The following SCRIB variants were observed in gnomAD, a reference collection of about 807,000 sequenced individuals.
SCRIB encodes the protein protein scribble homolog.
In SCRIB, 72 loss-of-function variants were observed where a neutral mutation model predicts 170.0. The observed-to-expected ratio is 0.42, with a 90% CI of 0.35 to 0.52. The LOEUF is 0.52. Among genes scored for constraint, SCRIB ranks in the 20% least tolerant of loss-of-function variants. SCRIB has a pLI of 0.02. For synonymous variants in SCRIB, 1,298 were observed against 1,044.3 expected, an observed-to-expected ratio of 1.24 and a Z score of -4.68; for missense variants, 2,475 against 2,338.5, an observed-to-expected ratio of 1.06 and a Z score of -1.20.
Position 143,815,650 on chromosome 8 carries a change from G to A in SCRIB, c.-278C>T. ...CGGCGGCGGCTCCGCATCCCGCTTG[G>A]TCCTGCTCAGCTCGTCCCGCCCGCT... On this transcript the variant is annotated 5_prime_UTR_variant, in exon 1 of 37. Coordinates refer to ENST00000356994, the MANE Select transcript of SCRIB (RefSeq NM_182706.5). 1.0e-6 allele frequency: 1 copy of A among 982,530 alleles called. No individual in the cohort carries two copies. Among genetic ancestry groups the A allele is most frequent in the Non-Finnish European group, 1.2e-6 (1 of 828,924 alleles). 60.9% of individuals were successfully genotyped at this position (982,530 alleles called of 1,614,324 possible). A position where few individuals can be genotyped will look rare whatever the true frequency, so the allele number is the denominator to read the frequency against.
At position 143,792,860 on chromosome 8, in the gene SCRIB, G is replaced by A. The variant is rs782059975; in HGVS notation, c.4025C>T (p.Thr1342Met). 11 of 1,519,952 alleles carry A rather than the reference G, an allele frequency of 7.2e-6. No homozygotes were observed. The highest frequency in any genetic ancestry group is 8.8e-6 in the Non-Finnish European group (10 of 1,137,844). The allele number at this position is 1,519,952 out of a possible 1,614,324, so 94.2% of individuals were successfully genotyped here. Residue 1342 changes from threonine to methionine, a missense_variant, in exon 30 of 37, where the codon ACG becomes ATG. Thr to Met is a moderately conservative substitution (Grantham distance 81). Transcript: ENST00000356994. ...CTCCGGGGAGGCTGCAGGCCCAGGC[G>A]TGGGGGGCTGGGGGGAGCGGACCTT... ...PPEDAPAQPP[T>M]PGPAASPEQL...
intron 21 of SCRIB, among the ~76,000 whole-genome samples, 158 bp from the exon 22 acceptor site, chr8:143,804,314 C>T (rs1312984553): frequency 1.3e-5 from 2 of 152,256 alleles, no homozygotes; most frequent in Admixed American, 1.3e-4. Flanking sequence ...GCTGCCCAGG[C>T]AGGCACGCAG....
At chr8:143,814,646 C>A (rs921127590) in intron 1 of SCRIB, among the ~76,000 whole-genome samples, 8 of 152,246 alleles carry the variant, frequency 5.3e-5, no homozygotes, top group African/African-American at 1.9e-4. Flanking sequence ...GGACACCCAA[C>A]CCCTAGGTAC....
chr8:143,795,650 G>A (rs917422035), intron 24 of SCRIB, 120 bp from the exon 25 acceptor site: 5 of 873,376 alleles, frequency 5.7e-6, no homozygotes, highest in African/African-American at 5.0e-5. Context: ...CGCGTCCCTG[G>A]GCAGGGCTGA....
chr8:143,793,163 C>T (rs1814784843), intron 28 of SCRIB, 80 bp from the exon 29 acceptor site: 1 of 750,378 alleles, frequency 1.3e-6, no homozygotes, highest in Non-Finnish European at 2.0e-6. Context: ...CCGGCTGTCC[C>T]CCCGCCTGTC....
rs141156876 is a variant in SCRIB at position 143,804,154 on chromosome 8, C to T, written c.3012G>A (p.Glu1004=). The T allele has an allele frequency of 4.9e-5, 79 of 1,606,338 alleles. No homozygotes were observed. Among genetic ancestry groups the T allele is most frequent in the Non-Finnish European group, 6.0e-5 (71 of 1,175,572 alleles). ...AALEGPYPVE[E]IRLPRAGGPL... ...GGCCCCCAGCTCTTGGCAGACGGAT[C>T]TCCTGGGGATTTAGGGCGGGACAAG... Residue 1004 remains glutamate, a splice_region_variant and synonymous_variant, in exon 22 of 37, where the codon GAG becomes GAA. Transcript: ENST00000356994.
intron 9 of SCRIB, 140 bp from the exon 10 acceptor site, chr8:143,811,485 G>A (rs1704099021): frequency 2.8e-6 from 2 of 714,568 alleles, no homozygotes; most frequent in East Asian, 2.7e-5. Flanking sequence ...CCGGGACAAG[G>A]ACCTGACCAC....
chr8:143,813,208 C>T (rs2130148480), intron 6 of SCRIB, 103 bp downstream of exon 6: 1 of 1,589,200 alleles, frequency 6.3e-7, no homozygotes, highest in East Asian at 2.2e-5. Context: ...CCCGCCTGCC[C>T]TCCCGAGGTG....
At chr8:143,807,150 CA>C in intron 16 of SCRIB, 137 bp from the exon 17 acceptor site, 1 of 669,040 alleles carries the variant, frequency 1.5e-6, no homozygotes, top group East Asian at 2.7e-5. Context: ...TGCCACTCAC[CA>C]GCCAGGGCCA....
chr8:143,793,380 C>T (rs1339106875), intron 28 of SCRIB: 8 of 334,978 alleles, frequency 2.4e-5, no homozygotes, highest in African/African-American at 1.7e-4. Flanking sequence ...CAGAGGAGAG[C>T]AGGATCAGGG....
At position 143,804,976 on chromosome 8, in the gene SCRIB, A is replaced by T. The variant is rs782367151; in HGVS notation, c.2709T>A (p.Ala903=). The change falls in exon 20 of 37, where the codon GCT becomes GCA. Residue 903 remains alanine (A), a synonymous_variant. Transcript: ENST00000356994. ...FVSRIAEGGA[A]HRAGTLQVGD... Reference sequence around the variant, plus strand: ...CAACCTGCAGTGTGCCCGCGCGGTGAGCAGCACCGCCCTCGGCAATGCGGG... The same window carrying T: ...CAACCTGCAGTGTGCCCGCGCGGTGTGCAGCACCGCCCTCGGCAATGCGGG... 4 of 1,585,224 alleles carry T rather than the reference A, an allele frequency of 2.5e-6. No homozygotes were observed. The highest frequency in any genetic ancestry group is 2.6e-6 in the Non-Finnish European group (3 of 1,170,570).
intron 24 of SCRIB, among the ~76,000 whole-genome samples, chr8:143,799,197 G>A (rs141400364): frequency 6.6e-6 from 1 of 152,242 alleles, no homozygotes; most frequent in Admixed American, 6.5e-5. Context: ...AACAGAGCTA[G>A]TGATCTCTTC....
At position 143,812,271 on chromosome 8, in the gene SCRIB, G is replaced by C. The variant is rs200384758; in HGVS notation, c.901C>G (p.Leu301Val). The C allele has an allele frequency of 5.6e-5, 89 of 1,601,380 alleles. No homozygotes were observed. In the African/African-American group the frequency reaches 1.1e-3, roughly 20 times the overall value. Reference protein sequence around the residue: ...LSELILTENLLMALPRSLGKL... With the variant: ...LSELILTENLVMALPRSLGKL... ...CCTCCCAAGCCAGACCCTACCATCA[G>C]CAGGTTCTCCGTGAGGATCAGCTCA... The change falls in exon 9 of 37, where the codon CTG becomes GTG. Residue 301 changes from leucine (L) to valine (V), a missense_variant. Leu to Val is a conservative substitution (Grantham distance 32). Around this residue, in one of 3 missense-constraint regions of SCRIB, gnomAD observed 487 missense variants for 558.1 expected, o/e 0.87. Transcript: ENST00000356994.
chr8:143,812,389 C>T lies in SCRIB; in HGVS notation c.788-5G>A, dbSNP rs376407099. ...TGGATAGCTGCTTCAGCTGACCTGG[C>T]GTCGGGGAGACAGGGGGACAAGGCT... On this transcript the variant is annotated splice_polypyrimidine_tract_variant and splice_region_variant and intron_variant, in intron 8 of 36. Transcript: ENST00000356994. 16 of 1,601,652 alleles carry T rather than the reference C, an allele frequency of 1.0e-5. No homozygotes were observed. In the African/African-American group the frequency reaches 1.1e-4, roughly 11 times the overall value.
At position 143,812,883 on chromosome 8, in the gene SCRIB, C is replaced by G. The variant is rs575608175; in HGVS notation, c.721G>C (p.Gly241Arg). 6.2e-7 allele frequency: 1 copy of G among 1,609,596 alleles called. No homozygotes were observed. Among genetic ancestry groups the G allele is most frequent in the Non-Finnish European group, 8.5e-7 (1 of 1,179,910 alleles). The part of the protein sequence containing the change: ...RLEELPAELG[G>R]LVLLTDLLLS... ...AGCAGGTCAGTGAGCAGCACCAGCC[C>G]GCCGAGCTCAGCAGGCAGCTCCTCC... Residue 241 changes from glycine (G) to arginine (R), a missense_variant, in exon 8 of 37, where the codon GGG becomes CGG. By Grantham distance (125) the Gly-to-Arg change is moderately radical. Around this residue, in one of 3 missense-constraint regions of SCRIB, gnomAD observed 487 missense variants for 558.1 expected, o/e 0.87. Transcript: ENST00000356994.
intron 17 of SCRIB, 152 bp downstream of exon 17, chr8:143,806,772 C>A (rs782034705): frequency 1.5e-6 from 1 of 658,408 alleles, no homozygotes; most frequent in Non-Finnish European, 2.6e-6. Context: ...TGCTCTTGGA[C>A]TTCGGGATCC....
chr8:143,813,899 G>A lies in SCRIB; in HGVS notation c.278-3C>T, dbSNP rs766895069. On this transcript the variant is annotated splice_polypyrimidine_tract_variant and splice_region_variant and intron_variant, in intron 2 of 36. Transcript: ENST00000356994. ...GCTCTCCGGGATCTCAGGGATATCT[G>A]TCACAGAGGGTCACAGTGGACAGAT... 7.5e-6 allele frequency: 12 copies of A among 1,606,258 alleles called. No homozygotes were observed. In the African/African-American group the frequency reaches 8.0e-5, roughly 11 times the overall value.
At chr8:143,814,170 G>C (rs1195645639) in intron 1 of SCRIB, 52 bp from the exon 2 acceptor site, 2 of 1,432,786 alleles carry the variant, frequency 1.4e-6, no homozygotes, top group Non-Finnish European at 1.9e-6. Context: ...GCAGAGCAGA[G>C]AAGAGCTCCT....
At chr8:143,802,105 G>A (rs1019913403) in intron 24 of SCRIB, among the ~76,000 whole-genome samples, 11 of 152,216 alleles carry the variant, frequency 7.2e-5, no homozygotes, top group Admixed American at 7.2e-4. Context: ...TAAAAGGCAA[G>A]GCCCTCTCTG....
Sources: gnomAD v4.1 joint callset for allele counts (sites outside exome capture counted in the v4.1 genomes callset) on GRCh38, gnomAD v4.1.1 for gene constraint, gnomAD v4.1.1 regional missense constraint, MANE v1.5 for transcripts, NCBI Gene and HGNC (gene_info 2026-07-23, HGNC 2026-07-21) for gene names.